WDR89: variants seen among roughly 807,000 people sequenced by gnomAD.
The protein encoded by WDR89 is WD repeat domain 89.
Under a neutral mutation model 29.1 loss-of-function variants are expected in WDR89, and 17 were observed. The ratio of observed to expected loss-of-function variants is 0.58; its 90% CI spans 0.40 to 0.88. The LOEUF is 0.88. WDR89 is among the 40% of genes least tolerant of loss of function. WDR89 has a pLI of 0.00. For synonymous variants in WDR89, 138 were observed against 157.8 expected, an observed-to-expected ratio of 0.87 and a Z score of 0.94; for missense variants, 396 against 456.3, an observed-to-expected ratio of 0.87 and a Z score of 1.20.
At chr14:63,631,069 C>A (rs567495631) in intron 1 of WDR89, among the ~76,000 whole-genome samples, 5 of 152,326 alleles carry the variant, frequency 3.3e-5, no homozygotes, top group African/African-American at 9.6e-5. Flanking sequence ...CCAGCCTGTA[C>A]TGTCTATTTC....
intron 1 of WDR89, among the ~76,000 whole-genome samples, chr14:63,632,541 G>A (rs781014367): frequency 9.2e-5 from 14 of 152,096 alleles, no homozygotes; most frequent in Non-Finnish European, 1.5e-4. Context: ...GCTAAGGCAC[G>A]AGAATCAATT....
intron 2 of WDR89, among the ~76,000 whole-genome samples, chr14:63,606,023 G>A (rs1183642389): frequency 6.6e-6 from 1 of 151,446 alleles, no homozygotes; most frequent in African/African-American, 2.4e-5. Flanking sequence ...TTTTTTTGGA[G>A]GCAGGGTCTT....
chr14:63,637,352 G>A (rs549433322), intron 1 of WDR89, among the ~76,000 whole-genome samples: 2 of 152,294 alleles, frequency 1.3e-5, no homozygotes, highest in Admixed American at 6.5e-5. Context: ...AAAACAGTGT[G>A]GAGATTCCTT....
At chr14:63,601,439 T>C (rs1373272427) in intron 2 of WDR89, 1 of 940,274 alleles carries the variant, frequency 1.1e-6, no homozygotes, top group African/African-American at 1.7e-5. Flanking sequence ...CAGAAAAACA[T>C]GCATGCCTAG....
chr14:63,612,299 T>TTAG (rs1336071812), intron 2 of WDR89, among the ~76,000 whole-genome samples: 1 of 151,794 alleles, frequency 6.6e-6, no homozygotes, highest in Non-Finnish European at 1.5e-5. Flanking sequence ...CCCAAAGCAG[T>TTAG]ACTAAGGAAA....
At chr14:63,627,805 C>T (rs12883677) in intron 1 of WDR89, among the ~76,000 whole-genome samples, 4,920 of 151,946 alleles carry the variant, frequency 0.032, 130 homozygotes, top group Admixed American at 0.082. Context: ...AAAAAAAATT[C>T]AGCTGGGTAT....
intron 2 of WDR89, among the ~76,000 whole-genome samples, chr14:63,607,569 T>C (rs926710775): frequency 3.9e-5 from 6 of 152,152 alleles, no homozygotes; most frequent in Non-Finnish European, 5.9e-5. Context: ...CAGTTATACA[T>C]ATTTTACTGA....
intron 2 of WDR89, among the ~76,000 whole-genome samples, chr14:63,603,774 T>C (rs1262875648): frequency 6.6e-6 from 1 of 152,212 alleles, no homozygotes; most frequent in Admixed American, 6.6e-5. Context: ...GCTCTAAAAA[T>C]GGTGTTCTTC....
At chr14:63,639,759 G>A (rs1339906956) in intron 1 of WDR89, among the ~76,000 whole-genome samples, 1 of 152,208 alleles carries the variant, frequency 6.6e-6, no homozygotes, top group Non-Finnish European at 1.5e-5. Flanking sequence ...ATCTTCAGTC[G>A]TATTTGCAGC....
chr14:63,625,403 C>T (rs1028178953), intron 1 of WDR89, among the ~76,000 whole-genome samples: 1 of 152,030 alleles, frequency 6.6e-6, no homozygotes. Context: ...AAACTACATA[C>T]TTACAATTCA....
At chr14:63,639,575 T>C (rs965778184) in intron 1 of WDR89, among the ~76,000 whole-genome samples, 1 of 152,176 alleles carries the variant, frequency 6.6e-6, no homozygotes, top group African/African-American at 2.4e-5. Flanking sequence ...CGATAATCTG[T>C]ACATAATCTG....
At chr14:63,611,690 CATT>C (rs35224095) in intron 2 of WDR89, among the ~76,000 whole-genome samples, 5,320 of 151,852 alleles carry the variant, frequency 0.035, 119 homozygotes, top group African/African-American at 0.058. Flanking sequence ...GTAAACCTAA[CATT>C]ATCCCCCCCA....
intron 2 of WDR89, chr14:63,601,667 A>T: frequency 6.2e-7 from 1 of 1,612,974 alleles, no homozygotes; most frequent in East Asian, 2.2e-5. Flanking sequence ...CGGGTTCTAA[A>T]GGAAAGGGTG....
chr14:63,639,052 T>C (rs1176490775), intron 1 of WDR89, among the ~76,000 whole-genome samples: 3 of 152,086 alleles, frequency 2.0e-5, no homozygotes, highest in Admixed American at 6.6e-5. Context: ...GATGATAGCA[T>C]GATGTCCTGT....
intron 1 of WDR89, among the ~76,000 whole-genome samples, chr14:63,633,076 T>C (rs1211062522): frequency 6.6e-6 from 1 of 152,092 alleles, no homozygotes; most frequent in Non-Finnish European, 1.5e-5. Flanking sequence ...ATAAATTAAT[T>C]ACCATGTTAA....
chr14:63,606,468 C>T (rs910481353), intron 2 of WDR89, among the ~76,000 whole-genome samples: 3 of 152,138 alleles, frequency 2.0e-5, no homozygotes, highest in Non-Finnish European at 4.4e-5. Flanking sequence ...ATCATTTATA[C>T]CATAATTTTA....
Position 63,630,515 on chromosome 14 carries a change from C to T in WDR89, c.-137-5482G>A, listed in dbSNP as rs547376163. Among the ~76,000 whole-genome samples the T allele has an allele frequency of 5.9e-5, 9 of 151,972 alleles. No individual in the cohort carries two copies. The East Asian group carries it at 9.9e-4, about 17-fold the overall frequency. ...AAAAATTAGCCGGGATGGTGGCCCA[C>T]GCCTGTAATCCCAACTACTCGGGAC... is the stretch of plus-strand genomic sequence containing the variant. On this transcript the variant is annotated intron_variant, in intron 1 of 2. Coordinates refer to ENST00000620954, the MANE Select transcript of WDR89 (RefSeq NM_080666.4).
intron 1 of WDR89, among the ~76,000 whole-genome samples, chr14:63,635,003 C>T (rs946836860): frequency 1.3e-5 from 2 of 150,724 alleles, no homozygotes; most frequent in Non-Finnish European, 2.9e-5. Flanking sequence ...TGCCACTACA[C>T]TCTGTCTCCA....
At chr14:63,628,160 C>T (rs1336810463) in intron 1 of WDR89, among the ~76,000 whole-genome samples, 1 of 152,104 alleles carries the variant, frequency 6.6e-6, no homozygotes, top group Non-Finnish European at 1.5e-5. Flanking sequence ...ATTGCTTAAG[C>T]CTGGGAGGTC....
Sources: allele counts gnomAD v4.1 joint callset (sites outside exome capture counted in the v4.1 genomes callset), GRCh38; gene constraint gnomAD v4.1.1; transcripts MANE v1.5; gene names NCBI Gene and HGNC (gene_info 2026-07-23, HGNC 2026-07-21).